The following SYT1 variants were observed in gnomAD, a reference collection of about 807,000 sequenced individuals.
SYT1 encodes the protein synaptotagmin-1.
Under a neutral mutation model 44.8 loss-of-function variants are expected in SYT1, and 8 were observed. That is an observed-to-expected ratio of 0.18 (90% CI 0.10 to 0.32). The LOEUF (loss-of-function observed/expected upper bound fraction) is 0.32, where lower values mean the gene tolerates loss of function less well. Ranked by LOEUF, SYT1 falls within the 10% of genes least tolerant of loss-of-function variation. The pLI is 1.00. For synonymous variants in SYT1, 154 were observed against 188.8 expected (o/e 0.82, Z 1.51); for missense variants, 286 against 509.3 (o/e 0.56, Z 4.22).
At chr12:79,207,118 C>G (rs1237444729) in intron 3 of SYT1, among the ~76,000 whole-genome samples, 1 of 152,170 alleles carries the variant, frequency 6.6e-6, no homozygotes, top group Non-Finnish European at 1.5e-5. Context: ...TGGCCTCAGT[C>G]CAATGAGCTG....
chr12:79,383,101 C>T (rs143067544), intron 9 of SYT1, among the ~76,000 whole-genome samples: 171 of 152,228 alleles, frequency 1.1e-3, no homozygotes, highest in Middle Eastern at 3.4e-3. Flanking sequence ...ACGTGGGATA[C>T]AGGTATGTTT....
At chr12:79,363,483 G>A (rs1381913841) in intron 9 of SYT1, among the ~76,000 whole-genome samples, 4 of 151,812 alleles carry the variant, frequency 2.6e-5, no homozygotes, top group African/African-American at 9.7e-5. Flanking sequence ...CCAGTACTTG[G>A]GCAGGCCAAG....
intron 3 of SYT1, among the ~76,000 whole-genome samples, chr12:79,084,609 A>G (rs1025843733): frequency 2.0e-5 from 3 of 152,158 alleles, no homozygotes; most frequent in African/African-American, 7.2e-5. Flanking sequence ...TTTGAGAACC[A>G]TAATTCTACA....
At chr12:79,347,715 C>CA in intron 8 of SYT1, among the ~76,000 whole-genome samples, 1 of 152,244 alleles carries the variant, frequency 6.6e-6, no homozygotes, top group African/African-American at 2.4e-5. Flanking sequence ...ATGCTGGGAA[C>CA]ACAGCAGTAA....
At chr12:78,908,316 C>A (rs114582788) in intron 1 of SYT1, among the ~76,000 whole-genome samples, 1 of 151,710 alleles carries the variant, frequency 6.6e-6, no homozygotes. Flanking sequence ...TTTCTTAATC[C>A]ATTATTTTAG....
intron 3 of SYT1, among the ~76,000 whole-genome samples, chr12:79,083,684 A>C (rs1877190166): frequency 6.6e-6 from 1 of 152,180 alleles, no homozygotes; most frequent in Non-Finnish European, 1.5e-5. Context: ...TATATTGTTT[A>C]TATAGATATC....
chr12:79,381,559 G>T (rs1162874063), intron 9 of SYT1, among the ~76,000 whole-genome samples: 1 of 152,180 alleles, frequency 6.6e-6, no homozygotes, highest in Non-Finnish European at 1.5e-5. Context: ...CCAAGAATAA[G>T]CCCTGAATGT....
intron 3 of SYT1, among the ~76,000 whole-genome samples, chr12:79,182,859 C>A (rs1018136988): frequency 6.6e-6 from 1 of 151,996 alleles, no homozygotes; most frequent in African/African-American, 2.4e-5. Flanking sequence ...GAAATCAGTT[C>A]TGTTTCCCCA....
chr12:79,057,118 C>A (rs1875005439), intron 3 of SYT1, among the ~76,000 whole-genome samples: 1 of 151,980 alleles, frequency 6.6e-6, no homozygotes, highest in Non-Finnish European at 1.5e-5. Flanking sequence ...GCATTTTCCT[C>A]CTTTCCTTGG....
At chr12:79,274,507 T>C (rs781245678) in intron 4 of SYT1, among the ~76,000 whole-genome samples, 1 of 152,174 alleles carries the variant, frequency 6.6e-6, no homozygotes, top group Non-Finnish European at 1.5e-5. Context: ...ATTACCCCAG[T>C]GGCCAGGAAA....
intron 3 of SYT1, among the ~76,000 whole-genome samples, chr12:79,191,057 A>G (rs370024645): frequency 2.6e-5 from 4 of 151,474 alleles, no homozygotes; most frequent in East Asian, 3.9e-4. Flanking sequence ...TATAATACAT[A>G]TATTACTGGC....
chr12:78,895,174 T>C (rs927504987), intron 1 of SYT1, among the ~76,000 whole-genome samples: 1 of 151,722 alleles, frequency 6.6e-6, no homozygotes, highest in Admixed American at 6.6e-5. Context: ...TTTATTGAAA[T>C]GAGTAACTCA....
At chr12:79,224,909 A>G (rs942916863) in intron 4 of SYT1, among the ~76,000 whole-genome samples, 1 of 151,688 alleles carries the variant, frequency 6.6e-6, no homozygotes, top group African/African-American at 2.4e-5. Context: ...CCTCCCAAGT[A>G]GCTGGGATTA....
At chr12:78,956,625 T>C (rs1346068185) in intron 1 of SYT1, among the ~76,000 whole-genome samples, 1 of 152,068 alleles carries the variant, frequency 6.6e-6, no homozygotes, top group Non-Finnish European at 1.5e-5. Flanking sequence ...ATAATGACAT[T>C]TGTGCAGAGG....
At chr12:79,013,132 C>A (rs1241379597) in intron 2 of SYT1, among the ~76,000 whole-genome samples, 2 of 152,016 alleles carry the variant, frequency 1.3e-5, no homozygotes. Context: ...AACACTATTT[C>A]TATCTTGTAG....
rs191613560 is a variant in SYT1 at position 78,893,445 on chromosome 12, T to C, written c.-217+28336T>C. On this transcript the variant is annotated intron_variant, in intron 1 of 10. Coordinates refer to ENST00000261205, the MANE Select transcript of SYT1 (RefSeq NM_005639.3). The stretch of plus-strand genomic sequence containing the variant: ...TTCAAAGCCAACTCACCTAGCAACA[T>C]TCTTCTACATCTGTATTAAAGAGGA... Among the ~76,000 whole-genome samples the C allele has an allele frequency of 1.0e-3, 154 of 151,868 alleles. 1 individual carries two copies. Among genetic ancestry groups the C allele is most frequent in the African/African-American group, 3.5e-3 (146 of 41,528 alleles).
chr12:79,423,926 A>C (rs1302697082), intron 9 of SYT1, among the ~76,000 whole-genome samples: 2 of 151,604 alleles, frequency 1.3e-5, no homozygotes, highest in Admixed American at 1.3e-4. Flanking sequence ...TAACCTAAAT[A>C]GAAAAAAGAA....
At chr12:79,364,621 A>G (rs1410430073) in intron 9 of SYT1, among the ~76,000 whole-genome samples, 1 of 152,212 alleles carries the variant, frequency 6.6e-6, no homozygotes, top group Non-Finnish European at 1.5e-5. Flanking sequence ...TTAACTTAAA[A>G]AAAGAATTAA....
intron 2 of SYT1, among the ~76,000 whole-genome samples, chr12:78,987,642 A>T (rs571540892): frequency 6.6e-6 from 1 of 152,150 alleles, no homozygotes; most frequent in South Asian, 2.1e-4. Flanking sequence ...AGTACTCTGC[A>T]TACATAGTTA....
Sources: gnomAD v4.1 joint callset for allele counts (sites outside exome capture counted in the v4.1 genomes callset) on GRCh38, gnomAD v4.1.1 for gene constraint, MANE v1.5 for transcripts, NCBI Gene and HGNC (gene_info 2026-07-23, HGNC 2026-07-21) for gene names.